Variants in TRIO observed in about 807,000 individuals in gnomAD.
The protein encoded by TRIO is trio Rho guanine nucleotide exchange factor.
In TRIO, 58 loss-of-function variants were observed where a neutral mutation model predicts 351.9. The ratio of observed to expected loss-of-function variants is 0.16; its 90% CI spans 0.13 to 0.21. The LOEUF is 0.21. TRIO is among the 10% of genes least tolerant of loss of function. The pLI is 1.00. For missense variants in TRIO, 3,201 were observed against 4,027.8 expected (o/e 0.79, Z 5.56); for synonymous variants, 1,758 against 1,595.7 (o/e 1.10, Z -2.42).
At chr5:14,427,854 A>G (rs549240359) in intron 34 of TRIO, among the ~76,000 whole-genome samples, 279 of 152,252 alleles carry the variant, frequency 1.8e-3, no homozygotes, top group Non-Finnish European at 3.1e-3. Context: ...TTGAGCAACA[A>G]CACATATAGC....
intron 26 of TRIO, 48 bp downstream of exon 26, chr5:14,390,348 T>A (rs764225034): frequency 6.4e-7 from 1 of 1,572,808 alleles, no homozygotes; most frequent in East Asian, 2.2e-5. Flanking sequence ...TAGGTGACGT[T>A]GAAGGAAGTT....
At chr5:14,459,634 G>A (rs1045282217) in intron 34 of TRIO, among the ~76,000 whole-genome samples, 1 of 152,184 alleles carries the variant, frequency 6.6e-6, no homozygotes, top group Non-Finnish European at 1.5e-5. Context: ...CAGCTACTTG[G>A]GAGGCTGAGA....
chr5:14,237,330 G>A (rs1793838709), intron 1 of TRIO, among the ~76,000 whole-genome samples: 1 of 152,128 alleles, frequency 6.6e-6, no homozygotes, highest in African/African-American at 2.4e-5. Context: ...TGGACTTTTG[G>A]ATTTGGGACA....
intron 21 of TRIO, among the ~76,000 whole-genome samples, chr5:14,382,022 G>A (rs1279886717): frequency 6.6e-6 from 1 of 152,134 alleles, no homozygotes; most frequent in Non-Finnish European, 1.5e-5. Context: ...AACCTGTGGG[G>A]TTGTTGTTTT....
intron 45 of TRIO, 153 bp downstream of exon 45, chr5:14,481,771 CTTTTTTTTT>C: frequency 2.5e-4 from 47 of 189,324 alleles, no homozygotes; most frequent in Middle Eastern, 1.8e-3. Context: ...ATTTTATTTC[CTTTTTTTTT>C]TTTTTTTTTT....
Position 14,378,015 on chromosome 5 carries a change from T to C in TRIO, c.3335T>C (p.Ile1112Thr), listed in dbSNP as rs1223245746. 9 of 1,610,322 alleles carry C rather than the reference T, an allele frequency of 5.6e-6. No homozygotes were observed. Among genetic ancestry groups the C allele is most frequent in the East Asian group, 2.2e-5 (1 of 44,876 alleles). Residue 1112 changes from isoleucine to threonine, a missense_variant, in exon 20 of 57, where the codon ATC becomes ACC. Ile to Thr is a moderately conservative substitution (Grantham distance 89). Coordinates refer to ENST00000344204, the MANE Select transcript of TRIO (RefSeq NM_007118.4). ...ATCATTTTCTTTTTTCTCTCAGATA[T>C]CTTGAATGAACTCTTCCAACGGGAG... ...IKAPEQQVKN[I>T]LNELFQRENR...
chr5:14,247,050 C>T (rs1406680000), intron 1 of TRIO, among the ~76,000 whole-genome samples: 10 of 152,218 alleles, frequency 6.6e-5, no homozygotes, highest in East Asian at 1.9e-4. Flanking sequence ...AGCAGGCCAC[C>T]GCTGTCTGTC....
At chr5:14,226,393 G>T (rs947772612) in intron 1 of TRIO, among the ~76,000 whole-genome samples, 1 of 152,178 alleles carries the variant, frequency 6.6e-6, no homozygotes, top group Non-Finnish European at 1.5e-5. Context: ...AAACCAGGGT[G>T]TTGCCAGTTT....
In TRIO at chr5:14,488,048, C is replaced by A; in HGVS notation, c.7420C>A (p.Pro2474Thr). 6.2e-7 allele frequency: 1 copy of A among 1,608,886 alleles called. No homozygotes were observed. Among genetic ancestry groups the A allele is most frequent in the Non-Finnish European group, 8.5e-7 (1 of 1,178,582 alleles). The part of the protein sequence containing the change: ...AVPSLGKEPF[P>T]PSSPLQKGGS... The stretch of plus-strand genomic sequence containing the variant: ...CCCTTCTCTCGGCAAGGAGCCCTTC[C>A]CCCCCAGCAGCCCCCTGCAGAAGGG... Residue 2474 changes from proline (P) to threonine (T), a missense_variant, in exon 48 of 57, where the codon CCC (proline) becomes ACC (threonine). Physicochemically the swap from Pro to Thr is conservative, Grantham distance 38. Transcript: ENST00000344204.
intron 55 of TRIO, among the ~76,000 whole-genome samples, chr5:14,506,811 C>G (rs967693355): frequency 5.9e-5 from 9 of 152,176 alleles, no homozygotes; most frequent in Admixed American, 2.6e-4. Flanking sequence ...CGCAGGATGC[C>G]TGCTGCACCT....
intron 1 of TRIO, among the ~76,000 whole-genome samples, chr5:14,244,712 C>T (rs1282210293): frequency 3.9e-5 from 6 of 152,244 alleles, no homozygotes; most frequent in East Asian, 1.9e-4. Flanking sequence ...TAGCCCACAG[C>T]GGCAAGAAGC....
At chr5:14,198,065 C>T (rs992464829) in intron 1 of TRIO, among the ~76,000 whole-genome samples, 2 of 152,096 alleles carry the variant, frequency 1.3e-5, no homozygotes, top group African/African-American at 4.8e-5. Context: ...TTGCAAGAGA[C>T]CCACGGAGAA....
At chr5:14,327,011 C>A (rs1477578416) in intron 9 of TRIO, among the ~76,000 whole-genome samples, 1 of 152,078 alleles carries the variant, frequency 6.6e-6, no homozygotes, top group Non-Finnish European at 1.5e-5. Context: ...ATTGGAAATA[C>A]GATTTCACCT....
At chr5:14,198,369 C>G (rs1023482172) in intron 1 of TRIO, among the ~76,000 whole-genome samples, 2 of 152,166 alleles carry the variant, frequency 1.3e-5, no homozygotes, top group Admixed American at 6.5e-5. Context: ...GTGCCCTGCT[C>G]TCTGCCTAAC....
intron 33 of TRIO, among the ~76,000 whole-genome samples, chr5:14,410,539 A>T (rs961255686): frequency 2.0e-5 from 3 of 152,226 alleles, no homozygotes; most frequent in African/African-American, 7.2e-5. Context: ...GCAGCCTCTG[A>T]TAACGCAGGC....
chr5:14,384,251 G>C (rs1746357818), intron 21 of TRIO, among the ~76,000 whole-genome samples: 1 of 152,160 alleles, frequency 6.6e-6, no homozygotes, highest in African/African-American at 2.4e-5. Flanking sequence ...TCTTCCCATA[G>C]GGCTTCCTGT....
chr5:14,449,196 C>T (rs1408339204), intron 34 of TRIO, among the ~76,000 whole-genome samples: 2 of 152,176 alleles, frequency 1.3e-5, no homozygotes, highest in Admixed American at 6.5e-5. Flanking sequence ...TCTGAGTCTG[C>T]CTGGTTCACC....
chr5:14,355,258 G>A (rs1399816029), intron 11 of TRIO, among the ~76,000 whole-genome samples: 3 of 152,238 alleles, frequency 2.0e-5, no homozygotes, highest in Non-Finnish European at 4.4e-5. Context: ...CCTTGTTCTG[G>A]TAAATGGTTA....
At chr5:14,390,093 A>G in intron 25 of TRIO, 138 bp from the exon 26 acceptor site, 1 of 719,422 alleles carries the variant, frequency 1.4e-6, no homozygotes, top group South Asian at 1.9e-5. Context: ...TTTGAAAGTC[A>G]CAATAACTTA....
Sources: gnomAD v4.1 joint callset for allele counts (sites outside exome capture counted in the v4.1 genomes callset) on GRCh38, gnomAD v4.1.1 for gene constraint, MANE v1.5 for transcripts, NCBI Gene and HGNC (gene_info 2026-07-23, HGNC 2026-07-21) for gene names.